Variants in ULK4 observed in about 807,000 individuals in gnomAD.
ULK4 encodes inactive serine/threonine-protein kinase ULK4.
In ULK4, 133 loss-of-function variants were observed where a neutral mutation model predicts 160.6. The observed-to-expected ratio is 0.83, with a 90% CI of 0.72 to 0.96. ULK4 has a LOEUF of 0.96. Among genes scored for constraint, ULK4 ranks in the 40% least tolerant of loss-of-function variants. The pLI is 0.00. For synonymous variants in ULK4, 534 were observed against 539.8 expected, an observed-to-expected ratio of 0.99 and a Z score of 0.15; for missense variants, 1,580 against 1,499.5, an observed-to-expected ratio of 1.05 and a Z score of -0.89.
intron 22 of ULK4, among the ~76,000 whole-genome samples, chr3:41,739,750 G>C (rs1264676163): frequency 6.6e-6 from 1 of 151,864 alleles, no homozygotes; most frequent in East Asian, 1.9e-4. Context: ...TCCTTCTCCA[G>C]CCACCCAGGG....
At chr3:41,741,964 CA>C (rs35788874) in intron 22 of ULK4, among the ~76,000 whole-genome samples, 28 of 151,748 alleles carry the variant, frequency 1.8e-4, no homozygotes, top group Non-Finnish European at 3.7e-4. Context: ...ACTGTCCCCC[CA>C]AAAAAGTGCT....
intron 2 of ULK4, among the ~76,000 whole-genome samples, chr3:41,948,519 C>T (rs1363804577): frequency 6.6e-6 from 1 of 151,910 alleles, no homozygotes; most frequent in East Asian, 1.9e-4. Flanking sequence ...TTAGTAAAAG[C>T]TAGATATGTC....
In ULK4 at chr3:41,511,526, C is replaced by G. The variant is rs569795949; in HGVS notation, c.3227-48273G>C. Reference sequence around the variant, plus strand: ...CTATGAGCACCTTTTGGCACATAAACTAGAAAACCTAGAGGAGATGGATAA... The same window carrying G: ...CTATGAGCACCTTTTGGCACATAAAGTAGAAAACCTAGAGGAGATGGATAA... On this transcript the variant is annotated intron_variant, in intron 32 of 36. Transcript: ENST00000301831. Among the ~76,000 whole-genome samples the G allele has an allele frequency of 3.3e-5, 5 of 152,174 alleles. No homozygotes were observed. The South Asian group carries it at 8.3e-4, about 25-fold the overall frequency.
At chr3:41,883,779 C>A (rs1697610157) in intron 17 of ULK4, 95 bp downstream of exon 17, 1 of 64,778 alleles carries the variant, frequency 1.5e-5, no homozygotes, top group African/African-American at 3.4e-5. Context: ...AGAGAAAAAA[C>A]AAGTGAAGGT....
chr3:41,915,938 CAAAAGA>C (rs774170921), intron 8 of ULK4, 33 bp downstream of exon 8: 13 of 1,455,620 alleles, frequency 8.9e-6, no homozygotes, highest in Admixed American at 6.6e-5. Flanking sequence ...TTGCAGAACT[CAAAAGA>C]AAAAGAAAAA....
intron 32 of ULK4, among the ~76,000 whole-genome samples, chr3:41,479,062 G>C (rs185575861): frequency 1.3e-5 from 2 of 152,224 alleles, no homozygotes; most frequent in Non-Finnish European, 2.9e-5. Flanking sequence ...CACAGCCTGG[G>C]GTCTATCCCC....
At chr3:41,917,141 T>C (rs1698995825) in intron 7 of ULK4, among the ~76,000 whole-genome samples, 1 of 152,232 alleles carries the variant, frequency 6.6e-6, no homozygotes, top group South Asian at 2.1e-4. Flanking sequence ...CCAATACCAC[T>C]AATCTCATAA....
intron 4 of ULK4, among the ~76,000 whole-genome samples, chr3:41,933,177 G>A (rs1174993129): frequency 6.6e-6 from 1 of 152,206 alleles, no homozygotes; most frequent in Non-Finnish European, 1.5e-5. Flanking sequence ...TGGAAGACTT[G>A]TTAAAGCACA....
intron 1 of ULK4, among the ~76,000 whole-genome samples, chr3:41,958,012 C>T (rs1700543095): frequency 6.7e-6 from 1 of 148,174 alleles, no homozygotes. Flanking sequence ...CCACTGCACT[C>T]TAGCCTGGGC....
chr3:41,653,005 T>A (rs1559463325), intron 30 of ULK4, among the ~76,000 whole-genome samples: 1 of 152,230 alleles, frequency 6.6e-6, no homozygotes, highest in Admixed American at 6.5e-5. Flanking sequence ...ACAATATCTT[T>A]GTACTCTGTA....
intron 35 of ULK4, among the ~76,000 whole-genome samples, chr3:41,304,959 GC>G (rs1374726493): frequency 6.6e-6 from 1 of 152,128 alleles, no homozygotes; most frequent in Non-Finnish European, 1.5e-5. Flanking sequence ...TTTGTTTCCT[GC>G]CAAGCATTAT....
chr3:41,897,025 A>G (rs1698183706), intron 14 of ULK4, 22 bp from the exon 15 acceptor site: 1 of 1,580,560 alleles, frequency 6.3e-7, no homozygotes, highest in East Asian at 2.2e-5. Context: ...AGAAAATAAT[A>G]AAAGTACATA....
intron 32 of ULK4, among the ~76,000 whole-genome samples, chr3:41,556,591 G>A (rs1436169763): frequency 2.0e-5 from 3 of 147,068 alleles, no homozygotes; most frequent in East Asian, 2.0e-4. Flanking sequence ...GGGTTCAAGC[G>A]ATTCTCTTGC....
At chr3:41,594,299 G>C (rs1430190015) in intron 31 of ULK4, among the ~76,000 whole-genome samples, 8 of 152,144 alleles carry the variant, frequency 5.3e-5, no homozygotes, top group Non-Finnish European at 1.0e-4. Flanking sequence ...CACTTTGGGA[G>C]GCCAAGATGG....
intron 27 of ULK4, among the ~76,000 whole-genome samples, chr3:41,697,160 C>T (rs960123753): frequency 6.6e-6 from 1 of 152,072 alleles, no homozygotes; most frequent in Non-Finnish European, 1.5e-5. Context: ...TGAATCCACA[C>T]CAATAAAAGA....
chr3:41,679,197 T>C (rs1035107329), intron 29 of ULK4, among the ~76,000 whole-genome samples: 1 of 152,200 alleles, frequency 6.6e-6, no homozygotes, highest in Non-Finnish European at 1.5e-5. Flanking sequence ...TAAAGATTAA[T>C]ATGAGATTAA....
At chr3:41,781,769 G>T (rs145343528) in intron 21 of ULK4, among the ~76,000 whole-genome samples, 18,811 of 151,930 alleles carry the variant, frequency 0.12, 1,344 homozygotes, top group Middle Eastern at 0.27. Flanking sequence ...TGAAACCCCA[G>T]CTCTACTAAA....
At chr3:41,644,671 C>T (rs1366685960) in intron 30 of ULK4, among the ~76,000 whole-genome samples, 8 of 151,680 alleles carry the variant, frequency 5.3e-5, no homozygotes, top group African/African-American at 1.9e-4. Context: ...GGTTGTGTCT[C>T]TGCCCGGCTT....
intron 27 of ULK4, among the ~76,000 whole-genome samples, chr3:41,693,617 T>C (rs2036385435): frequency 6.6e-6 from 1 of 152,138 alleles, no homozygotes; most frequent in African/African-American, 2.4e-5. Flanking sequence ...ATGCCCACTC[T>C]ACAGAAAGAA....
Sources: gnomAD v4.1 joint callset for allele counts (sites outside exome capture counted in the v4.1 genomes callset) on GRCh38, gnomAD v4.1.1 for gene constraint, MANE v1.5 for transcripts, NCBI Gene and HGNC (gene_info 2026-07-23, HGNC 2026-07-21) for gene names.